Variants in XKR9 observed in about 807,000 individuals in gnomAD.
XKR9 encodes XK related 9.
A neutral mutation model predicts 32.0 loss-of-function variants in XKR9; 32 were observed. That is an observed-to-expected ratio of 1.00 (90% CI 0.76 to 1.34). The LOEUF (loss-of-function observed/expected upper bound fraction) is 1.34, where lower values mean the gene tolerates loss of function less well. XKR9 is among the 40% of genes most tolerant of loss of function. XKR9 has a pLI of 0.00. For missense variants in XKR9, 546 were observed against 429.7 expected, an observed-to-expected ratio of 1.27 and a Z score of -2.39; for synonymous variants, 168 against 143.4, an observed-to-expected ratio of 1.17 and a Z score of -1.22.
chr8:70,712,878 A>G (rs1305685411), intron 4 of XKR9, among the ~76,000 whole-genome samples: 1 of 152,170 alleles, frequency 6.6e-6, no homozygotes, highest in East Asian at 1.9e-4. Context: ...AATAATTTTT[A>G]CAAAAGTTTT....
intron 2 of XKR9, among the ~76,000 whole-genome samples, chr8:70,741,231 C>G (rs1474675136): frequency 6.6e-6 from 1 of 152,116 alleles, no homozygotes; most frequent in African/African-American, 2.4e-5. Context: ...ATAAGGTTAT[C>G]AGGGTGGGTT....
intron 4 of XKR9, among the ~76,000 whole-genome samples, chr8:70,733,464 A>G (rs1228839091): frequency 6.6e-6 from 1 of 152,082 alleles, no homozygotes; most frequent in African/African-American, 2.4e-5. Context: ...TTTTTTCAGT[A>G]TATCAGTTGC....
chr8:70,678,865 T>C (rs1325500201), intron 2 of XKR9, among the ~76,000 whole-genome samples: 1 of 152,228 alleles, frequency 6.6e-6, no homozygotes, highest in Non-Finnish European at 1.5e-5. Context: ...TGTGTGTGTG[T>C]TTTTAGTAAA....
At chr8:70,704,549 A>C (rs1431029645) in intron 3 of XKR9, among the ~76,000 whole-genome samples, 1 of 152,214 alleles carries the variant, frequency 6.6e-6, no homozygotes, top group Non-Finnish European at 1.5e-5. Flanking sequence ...ACCAAAGCAC[A>C]GAGAGATTAA....
the XKR9 span, among the ~76,000 whole-genome samples, chr8:71,043,532 T>C: frequency 6.6e-6 from 1 of 152,210 alleles, no homozygotes; most frequent in African/African-American, 2.4e-5. Context: ...GCCTGAAATA[T>C]GAACTATGGA....
chr8:70,692,609 G>A (rs888802168), intron 3 of XKR9, among the ~76,000 whole-genome samples: 1 of 151,868 alleles, frequency 6.6e-6, no homozygotes, highest in Admixed American at 6.6e-5. Flanking sequence ...ACAGAGTTTT[G>A]CTCTTGTTGC....
intron 3 of XKR9, among the ~76,000 whole-genome samples, chr8:70,699,120 G>A (rs1165200735): frequency 1.3e-5 from 2 of 152,076 alleles, no homozygotes; most frequent in Non-Finnish European, 2.9e-5. Context: ...CACACTGATG[G>A]GTCTTGACTC....
chr8:71,025,638 A>C, the XKR9 span, among the ~76,000 whole-genome samples: 1 of 152,196 alleles, frequency 6.6e-6, no homozygotes, highest in Non-Finnish European at 1.5e-5. Flanking sequence ...AGGCTCCCTG[A>C]TGGAGAAAAG....
At chr8:70,856,185 A>G in the XKR9 span, among the ~76,000 whole-genome samples, 1 of 152,202 alleles carries the variant, frequency 6.6e-6, no homozygotes, top group Non-Finnish European at 1.5e-5. Flanking sequence ...AGACTGGCAA[A>G]TTGGATAAAG....
intron 2 of XKR9, among the ~76,000 whole-genome samples, chr8:70,760,225 C>G (rs1255502547): frequency 1.3e-5 from 2 of 152,108 alleles, no homozygotes; most frequent in Admixed American, 1.3e-4. Context: ...GAATAAAACA[C>G]ACAGTATTCT....
At chr8:71,056,535 T>C in the XKR9 span, among the ~76,000 whole-genome samples, 2 of 152,300 alleles carry the variant, frequency 1.3e-5, no homozygotes, top group African/African-American at 2.4e-5. Context: ...GCTTAAGCAA[T>C]AGCACTGCAC....
chr8:70,962,172 A>C, the XKR9 span, among the ~76,000 whole-genome samples: 2 of 152,126 alleles, frequency 1.3e-5, no homozygotes, highest in African/African-American at 4.8e-5. Flanking sequence ...ATATGTTTAA[A>C]TATCTTAGTA....
chr8:70,692,923 T>C (rs2132137034), intron 3 of XKR9, among the ~76,000 whole-genome samples: 1 of 152,260 alleles, frequency 6.6e-6, no homozygotes, highest in Admixed American at 6.5e-5. Context: ...ATACCTAGGT[T>C]ATTGAGAGTT....
chr8:71,004,998 C>CTTTTTTT, the XKR9 span, among the ~76,000 whole-genome samples: 7 of 48,206 alleles, frequency 1.5e-4, no homozygotes, highest in African/African-American at 2.2e-4. Flanking sequence ...TTAATCTATG[C>CTTTTTTT]TTTTTTTTTT....
chr8:70,738,749 G>T (rs1005163389), downstream of XKR9, among the ~76,000 whole-genome samples: 3 of 152,098 alleles, frequency 2.0e-5, no homozygotes, highest in Non-Finnish European at 4.4e-5. Flanking sequence ...TTCAGGAGCA[G>T]GTTGTTCAGT....
the XKR9 span, among the ~76,000 whole-genome samples, chr8:70,836,448 G>T: frequency 6.6e-6 from 1 of 151,956 alleles, no homozygotes; most frequent in African/African-American, 2.4e-5. Context: ...TGTACATTTT[G>T]TGTCTAGTTT....
At chr8:70,787,875 T>C (rs546661857) in intron 2 of XKR9, among the ~76,000 whole-genome samples, 1 of 152,070 alleles carries the variant, frequency 6.6e-6, no homozygotes, top group South Asian at 2.1e-4. Context: ...AGGTATTTGG[T>C]CAAGGCTGAA....
At chr8:70,739,927 A>G (rs1806940428), downstream of XKR9, among the ~76,000 whole-genome samples, 2 of 152,202 alleles carry the variant, frequency 1.3e-5, no homozygotes, top group African/African-American at 4.8e-5. Flanking sequence ...AACTTTGGTG[A>G]ATCTGACAAT....
At chr8:70,826,012 T>C in the XKR9 span, among the ~76,000 whole-genome samples, 1 of 152,136 alleles carries the variant, frequency 6.6e-6, no homozygotes, top group Non-Finnish European at 1.5e-5. Flanking sequence ...TAAGGGTATA[T>C]GGAATAAACT....
Sources: allele counts gnomAD v4.1 joint callset (sites outside exome capture counted in the v4.1 genomes callset), GRCh38; gene constraint gnomAD v4.1.1; transcripts MANE v1.5; gene names NCBI Gene and HGNC (gene_info 2026-07-23, HGNC 2026-07-21).